The following CCSER1 variants were observed in gnomAD, a reference collection of about 807,000 sequenced individuals.
CCSER1 encodes the protein coiled-coil serine rich protein 1.
In CCSER1, 41 loss-of-function variants were observed where a neutral mutation model predicts 82.0. The ratio of observed to expected loss-of-function variants is 0.50; its 90% CI spans 0.39 to 0.65. CCSER1 has a LOEUF of 0.65. Ranked by LOEUF, CCSER1 falls within the 30% of genes least tolerant of loss-of-function variation. The pLI, the probability that CCSER1 is intolerant of heterozygous loss-of-function variation, is 0.00. For synonymous variants in CCSER1, 414 were observed against 383.9 expected (o/e 1.08, Z -0.92); for missense variants, 1,119 against 1,064.2 (o/e 1.05, Z -0.72).
chr4:91,041,917 T>C (rs1028928456), intron 9 of CCSER1, among the ~76,000 whole-genome samples: 1 of 152,202 alleles, frequency 6.6e-6, no homozygotes, highest in African/African-American at 2.4e-5. Flanking sequence ...CAATGTCACA[T>C]CTGAGGTCCA....
At chr4:91,104,401 T>C (rs1435066275) in intron 10 of CCSER1, among the ~76,000 whole-genome samples, 1 of 152,164 alleles carries the variant, frequency 6.6e-6, no homozygotes, top group Non-Finnish European at 1.5e-5. Flanking sequence ...CCTACCGATA[T>C]GTGATGTCAC....
chr4:90,138,402 G>T (rs1724104544), intron 1 of CCSER1, among the ~76,000 whole-genome samples: 1 of 152,162 alleles, frequency 6.6e-6, no homozygotes, highest in Non-Finnish European at 1.5e-5. Flanking sequence ...TACTTCCAGT[G>T]CTAACCACTG....
At chr4:90,460,819 G>T (rs906165101) in intron 4 of CCSER1, among the ~76,000 whole-genome samples, 3 of 152,080 alleles carry the variant, frequency 2.0e-5, no homozygotes, top group African/African-American at 4.8e-5. Flanking sequence ...GTAATGTGCT[G>T]AGAATTGTAT....
chr4:90,216,672 G>A (rs1471612115), intron 1 of CCSER1, among the ~76,000 whole-genome samples: 3 of 152,080 alleles, frequency 2.0e-5, no homozygotes, highest in Non-Finnish European at 4.4e-5. Context: ...GGCTACTGTA[G>A]CATTATAGTA....
chr4:90,282,150 G>A (rs978306473), intron 1 of CCSER1, among the ~76,000 whole-genome samples: 2 of 151,942 alleles, frequency 1.3e-5, no homozygotes, highest in Non-Finnish European at 2.9e-5. Flanking sequence ...CAGCTTAATT[G>A]CATCTGCATA....
intron 3 of CCSER1, among the ~76,000 whole-genome samples, chr4:90,387,361 C>G (rs570168008): frequency 6.6e-6 from 1 of 152,118 alleles, no homozygotes; most frequent in South Asian, 2.1e-4. Context: ...TAGAAGAAAG[C>G]CATGCAGAGC....
At position 90,552,828 on chromosome 4, in the gene CCSER1, T is replaced by C. The variant is rs190177088; in HGVS notation, c.1725-75197T>C. Among the ~76,000 whole-genome samples the C allele has an allele frequency of 7.9e-5, 12 of 152,328 alleles. No homozygotes were observed. The East Asian group carries it at 2.1e-3, about 27-fold the overall frequency. On this transcript the variant is annotated intron_variant, in intron 5 of 10. Transcript: ENST00000509176. ...TTATTTAACAGCTCTGATTTATTGA[T>C]AATATCAAGGTGTATTGTAAGGTTA...
At chr4:90,595,303 G>A (rs965541324) in intron 5 of CCSER1, among the ~76,000 whole-genome samples, 78 of 151,902 alleles carry the variant, frequency 5.1e-4, no homozygotes, top group African/African-American at 1.8e-3. Context: ...TAACAGCTGA[G>A]ATTTTTATAT....
chr4:91,482,333 C>T (rs1212879795), intron 10 of CCSER1, among the ~76,000 whole-genome samples: 3 of 77,632 alleles, frequency 3.9e-5, no homozygotes, highest in African/African-American at 6.2e-5. Flanking sequence ...ACCCGGGAAG[C>T]GGAGCTTGCA....
rs73834782 is a variant in CCSER1, at chr4:91,098,367, C to G, written c.2217+12373C>G. On this transcript the variant is annotated intron_variant, in intron 10 of 10. Coordinates refer to ENST00000509176, the MANE Select transcript of CCSER1 (RefSeq NM_001145065.2). ...TATTCTGAATTTCAAAGTAACTTGC[C>G]AACCTGCAACATTAGCACAAGAATG... is the stretch of plus-strand genomic sequence containing the variant. Among the ~76,000 whole-genome samples, 706 of 152,180 alleles carry G rather than the reference C, an allele frequency of 4.6e-3. 8 individuals are homozygous for G. The highest frequency in any genetic ancestry group is 0.016 in the African/African-American group (659 of 41,518).
chr4:90,844,686 CT>C (rs926749210), intron 8 of CCSER1, among the ~76,000 whole-genome samples: 29 of 151,714 alleles, frequency 1.9e-4, no homozygotes, highest in South Asian at 4.2e-4. Flanking sequence ...TATTATCCTG[CT>C]TTTTTTTTCT....
chr4:91,142,931 C>G (rs1729175725), intron 10 of CCSER1, among the ~76,000 whole-genome samples: 1 of 148,956 alleles, frequency 6.7e-6, no homozygotes, highest in Admixed American at 6.8e-5. Flanking sequence ...CTGCTTTGTT[C>G]TTTTTGCTTA....
At chr4:91,442,564 A>G (rs1035985343) in intron 10 of CCSER1, among the ~76,000 whole-genome samples, 6 of 138,060 alleles carry the variant, frequency 4.3e-5, no homozygotes, top group African/African-American at 1.6e-4. Flanking sequence ...AGGCATGGGC[A>G]AGGACTTCAT....
rs114698494 is a variant in CCSER1 at position 91,291,534 on chromosome 4, A to T, written c.2217+205540A>T. ...TCAGGAAACTTACAGTCACGACAGA[A>T]GCAAAGGGGGCGCACACATATCACA... On this transcript the variant is annotated intron_variant, in intron 10 of 10. Transcript: ENST00000509176. 6.4e-3 allele frequency among the ~76,000 whole-genome samples: 967 copies of T among 152,140 alleles called. 10 individuals are homozygous for T. The highest frequency in any genetic ancestry group is 0.022 in the African/African-American group (901 of 41,542).
chr4:90,329,690 A>C (rs918942752), intron 3 of CCSER1, among the ~76,000 whole-genome samples: 1 of 152,138 alleles, frequency 6.6e-6, no homozygotes, highest in Non-Finnish European at 1.5e-5. Context: ...TTAGAAAAAA[A>C]TTAATTGAGC....
At chr4:91,464,401 G>A (rs1254315940) in intron 10 of CCSER1, among the ~76,000 whole-genome samples, 5 of 152,100 alleles carry the variant, frequency 3.3e-5, no homozygotes, top group South Asian at 4.1e-4. Flanking sequence ...GCAAAAATAT[G>A]CCAAAATATA....
At chr4:90,633,942 T>C (rs1011405302) in intron 6 of CCSER1, among the ~76,000 whole-genome samples, 2 of 151,842 alleles carry the variant, frequency 1.3e-5, no homozygotes, top group African/African-American at 4.8e-5. Flanking sequence ...TGACCGATGT[T>C]GGGCCTTTAG....
intron 10 of CCSER1, among the ~76,000 whole-genome samples, chr4:91,463,895 A>G (rs796692202): frequency 2.0e-5 from 3 of 152,158 alleles, no homozygotes; most frequent in Non-Finnish European, 2.9e-5. Context: ...ACCTGAAAGT[A>G]ACAGGGAGAA....
intron 8 of CCSER1, among the ~76,000 whole-genome samples, chr4:90,830,689 G>A (rs1761012278): frequency 6.6e-6 from 1 of 152,170 alleles, no homozygotes; most frequent in South Asian, 2.1e-4. Context: ...TTATTACACA[G>A]CCAGACAAGA....
Sources: gnomAD v4.1 joint callset for allele counts (sites outside exome capture counted in the v4.1 genomes callset) on GRCh38, gnomAD v4.1.1 for gene constraint, MANE v1.5 for transcripts, NCBI Gene and HGNC (gene_info 2026-07-23, HGNC 2026-07-21) for gene names.